The following CD226 variants were observed in gnomAD, a reference collection of about 807,000 sequenced individuals.
CD226 encodes the protein CD226 antigen.
A neutral mutation model predicts 34.9 loss-of-function variants in CD226; 24 were observed. That is an observed-to-expected ratio of 0.69 (90% CI 0.50 to 0.97). CD226 has a LOEUF of 0.97. CD226 is among the 50% of genes least tolerant of loss of function. CD226 has a pLI of 0.00. For missense variants in CD226, 397 were observed against 412.7 expected, an observed-to-expected ratio of 0.96 and a Z score of 0.33; for synonymous variants, 148 against 147.4, an observed-to-expected ratio of 1.00 and a Z score of -0.03.
At chr18:69,879,480 A>G (rs967112137) in intron 3 of CD226, among the ~76,000 whole-genome samples, 2 of 152,138 alleles carry the variant, frequency 1.3e-5, no homozygotes, top group Non-Finnish European at 2.9e-5. Context: ...ATTTTCGATA[A>G]TAAGAGAAAT....
At position 69,947,490 on chromosome 18, in the gene CD226, C is replaced by A; in HGVS notation, c.-84G>T. 3 of 796,072 alleles carry A rather than the reference C, an allele frequency of 3.8e-6. No individual in the cohort carries two copies. Among genetic ancestry groups the A allele is most frequent in the Non-Finnish European group, 6.1e-6 (3 of 488,434 alleles). 49.3% of individuals were successfully genotyped at this position (796,072 alleles called of 1,614,324 possible). On this transcript the variant is annotated 5_prime_UTR_variant, in exon 1 of 6. Coordinates refer to ENST00000582621, the MANE Select transcript of CD226 (RefSeq NM_001303618.2). Reference sequence around the variant, plus strand: ...TGACATGCAGATCCCCAGCACAATGCAGTTTCCTTCCTCTCAGATGTTATC... The same window carrying A: ...TGACATGCAGATCCCCAGCACAATGAAGTTTCCTTCCTCTCAGATGTTATC...
intron 1 of CD226, among the ~76,000 whole-genome samples, chr18:69,953,520 T>A (rs1042946945): frequency 6.6e-6 from 1 of 152,218 alleles, no homozygotes; most frequent in African/African-American, 2.4e-5. Context: ...GATAGTTAAA[T>A]CCATGGAGAT....
intron 1 of CD226, among the ~76,000 whole-genome samples, chr18:69,955,639 G>A (rs994958180): frequency 2.6e-5 from 4 of 152,010 alleles, no homozygotes; most frequent in Non-Finnish European, 4.4e-5. Context: ...CGAGGCGGGC[G>A]GATCATGAGG....
upstream of CD226, among the ~76,000 whole-genome samples, chr18:69,961,319 T>G (rs1405862074): frequency 6.6e-6 from 1 of 152,218 alleles, no homozygotes; most frequent in Non-Finnish European, 1.5e-5. Context: ...GACCCAATTT[T>G]GAGAATGCAT....
intron 4 of CD226, 33 bp from the exon 5 acceptor site, chr18:69,867,444 T>C: frequency 7.5e-7 from 1 of 1,334,082 alleles, no homozygotes; most frequent in Non-Finnish European, 1.1e-6. Flanking sequence ...GATATAAAGA[T>C]ATGATATTCC....
At chr18:69,937,623 TG>T (rs1259837502) in intron 2 of CD226, among the ~76,000 whole-genome samples, 4 of 152,178 alleles carry the variant, frequency 2.6e-5, no homozygotes, top group Admixed American at 6.5e-5. Flanking sequence ...CATTGTACAT[TG>T]TAGATTCTCA....
At chr18:69,905,105 G>A (rs1211031040) in intron 2 of CD226, among the ~76,000 whole-genome samples, 3 of 152,166 alleles carry the variant, frequency 2.0e-5, no homozygotes, top group Admixed American at 2.0e-4. Context: ...AGCTGTGAAT[G>A]GCAGGACATT....
At chr18:69,925,468 T>G (rs2055509636) in intron 2 of CD226, among the ~76,000 whole-genome samples, 1 of 152,114 alleles carries the variant, frequency 6.6e-6, no homozygotes. Flanking sequence ...CCACTTTCTA[T>G]TCACAGATAT....
intron 3 of CD226, among the ~76,000 whole-genome samples, chr18:69,887,580 GT>G (rs541384522): frequency 5.4e-4 from 82 of 151,960 alleles, no homozygotes; most frequent in African/African-American, 1.9e-3. Flanking sequence ...TCACAATAAG[GT>G]TTTTTTTATT....
At position 69,947,659 on chromosome 18, in the gene CD226, T is replaced by C. The variant is rs2055810260; in HGVS notation, c.-253A>G. 1 of 351,312 alleles carries C rather than the reference T, an allele frequency of 2.8e-6. No homozygotes were observed. The highest frequency in any genetic ancestry group is 2.1e-5 in the African/African-American group (1 of 47,282). The allele number at this position is 351,312 out of a possible 1,614,324, so 21.8% of individuals were successfully genotyped here. A position where few individuals can be genotyped will look rare whatever the true frequency, so the allele number is the denominator to read the frequency against. ...GGCTTATTTTCGGGCTTTCATTTTC[T>C]ACAAGGAGTCATTCATTCAACAAAC... is the stretch of plus-strand genomic sequence containing the variant. On this transcript the variant is annotated 5_prime_UTR_variant, in exon 1 of 6. It removes the in-frame stop codon of an upstream open reading frame in the 5' UTR. Coordinates refer to ENST00000582621, the MANE Select transcript of CD226 (RefSeq NM_001303618.2).
rs747036446 is a variant in CD226, at chr18:69,857,627, T to C, written c.*6687A>G. The C allele has an allele frequency of 1.3e-5, 2 of 152,256 alleles. No homozygotes were observed. The highest frequency in any genetic ancestry group is 6.5e-5 in the Admixed American group (1 of 15,294). 9.4% of individuals were successfully genotyped at this position (152,256 alleles called of 1,614,324 possible). On this transcript the variant is annotated 3_prime_UTR_variant, in exon 6 of 6. Transcript: ENST00000582621. The stretch of plus-strand genomic sequence containing the variant: ...GAAGAATGAAGAAAGTAAGTTATCA[T>C]AGCTTCTTCTCAAGTTTTATTTTTA...
At chr18:69,935,090 G>C (rs530346489) in intron 2 of CD226, among the ~76,000 whole-genome samples, 1 of 152,284 alleles carries the variant, frequency 6.6e-6, no homozygotes, top group East Asian at 1.9e-4. Flanking sequence ...TTAACTCAAA[G>C]ATAAAGCCAC....
At chr18:69,889,909 C>A (rs1362328782) in intron 3 of CD226, among the ~76,000 whole-genome samples, 1 of 152,040 alleles carries the variant, frequency 6.6e-6, no homozygotes, top group African/African-American at 2.4e-5. Context: ...TTCAGATGAC[C>A]AGCAATTATG....
intron 2 of CD226, among the ~76,000 whole-genome samples, chr18:69,907,309 C>A (rs981517660): frequency 1.3e-5 from 2 of 152,130 alleles, no homozygotes; most frequent in African/African-American, 4.8e-5. Flanking sequence ...GAACCAGATT[C>A]CTAAATGTCT....
Position 69,864,270 on chromosome 18 carries a change from A to G in CD226, c.*44T>C. ...AAAATTGCATAAAGATCCATGCATG[A>G]GTACATAAGAGTCATTACTAATGCA... On this transcript the variant is annotated 3_prime_UTR_variant, in exon 6 of 6. Transcript: ENST00000582621. The G allele has an allele frequency of 6.2e-7, 1 of 1,600,920 alleles. No homozygotes were observed. The highest frequency in any genetic ancestry group is 1.3e-5 in the African/African-American group (1 of 74,716).
intron 2 of CD226, among the ~76,000 whole-genome samples, chr18:69,923,618 G>A (rs542545054): frequency 2.0e-5 from 3 of 152,240 alleles, no homozygotes; most frequent in African/African-American, 4.8e-5. Context: ...TGACAACCTC[G>A]ATAGAAGTGA....
intron 1 of CD226, among the ~76,000 whole-genome samples, chr18:69,954,670 T>G (rs1389023170): frequency 6.6e-6 from 1 of 152,014 alleles, no homozygotes; most frequent in Non-Finnish European, 1.5e-5. Flanking sequence ...TAATAACTTG[T>G]AGGAACTCCT....
chr18:69,887,218 A>G (rs1411981549), intron 3 of CD226, among the ~76,000 whole-genome samples: 4 of 152,186 alleles, frequency 2.6e-5, no homozygotes, highest in Non-Finnish European at 5.9e-5. Context: ...TGCCCACACA[A>G]TCGTGTGTAT....
chr18:69,896,782 T>C (rs908330558), intron 2 of CD226, among the ~76,000 whole-genome samples: 3 of 152,230 alleles, frequency 2.0e-5, no homozygotes, highest in African/African-American at 7.2e-5. Context: ...CTGACAGTTA[T>C]GAAAAAGATA....
Sources: gnomAD v4.1 joint callset for allele counts (sites outside exome capture counted in the v4.1 genomes callset) on GRCh38, gnomAD v4.1.1 for gene constraint, MANE v1.5 for transcripts, NCBI Gene and HGNC (gene_info 2026-07-23, HGNC 2026-07-21) for gene names.